THSD7A: variants seen among roughly 807,000 people sequenced by gnomAD.
THSD7A encodes the protein thrombospondin type-1 domain-containing protein 7A.
In THSD7A, 96 loss-of-function variants were observed where a neutral mutation model predicts 231.3. That is an observed-to-expected ratio of 0.41 (90% confidence interval 0.35 to 0.49). The LOEUF is 0.49. Ranked by LOEUF, THSD7A falls within the 20% of genes least tolerant of loss-of-function variation. The pLI, the probability that THSD7A is intolerant of heterozygous loss-of-function variation, is 0.05. For missense variants in THSD7A, 2,290 were observed against 2,070.2 expected, an observed-to-expected ratio of 1.11 and a Z score of -2.06; for synonymous variants, 940 against 743.3, an observed-to-expected ratio of 1.26 and a Z score of -4.30.
intron 1 of THSD7A, chr7:11,820,416 G>A: frequency 7.5e-7 from 1 of 1,327,296 alleles, no homozygotes; most frequent in Non-Finnish European, 1.0e-6. Context: ...ACTTGTCATG[G>A]GCCCACTTGG....
chr7:11,676,181 G>A (rs190335564), intron 1 of THSD7A, among the ~76,000 whole-genome samples: 1 of 152,302 alleles, frequency 6.6e-6, no homozygotes, highest in Admixed American at 6.5e-5. Context: ...GGGCCTGACT[G>A]TTAGAAAGAA....
intron 4 of THSD7A, among the ~76,000 whole-genome samples, chr7:11,588,095 G>A (rs149547417): frequency 9.2e-5 from 14 of 152,142 alleles, no homozygotes; most frequent in African/African-American, 3.4e-4. Context: ...AGCTGGGGGA[G>A]TTGTTTTGAG....
At chr7:11,682,175 A>C (rs1783894770) in intron 1 of THSD7A, among the ~76,000 whole-genome samples, 1 of 152,108 alleles carries the variant, frequency 6.6e-6, no homozygotes, top group Non-Finnish European at 1.5e-5. Context: ...TATCCCACAG[A>C]TCCTATAAAG....
chr7:11,735,767 T>C (rs956978519), intron 1 of THSD7A, among the ~76,000 whole-genome samples: 7 of 152,064 alleles, frequency 4.6e-5, no homozygotes, highest in Admixed American at 2.0e-4. Context: ...GCATTCATAA[T>C]TGGGTAGATA....
chr7:11,420,787 G>A (rs893753318), intron 16 of THSD7A, among the ~76,000 whole-genome samples: 1 of 152,202 alleles, frequency 6.6e-6, no homozygotes, highest in Non-Finnish European at 1.5e-5. Context: ...ACCCTGCAGA[G>A]CCACAGGGGT....
At chr7:11,800,470 A>C (rs1433971990) in intron 1 of THSD7A, among the ~76,000 whole-genome samples, 1 of 151,996 alleles carries the variant, frequency 6.6e-6, no homozygotes, top group Admixed American at 6.6e-5. Flanking sequence ...AATCGGTTGA[A>C]CTCGGGAGGC....
intron 1 of THSD7A, among the ~76,000 whole-genome samples, chr7:11,716,366 C>T (rs1278787816): frequency 6.6e-6 from 1 of 151,526 alleles, no homozygotes; most frequent in East Asian, 2.0e-4. Flanking sequence ...AATAGGTAAA[C>T]AGGAAATTAC....
intron 6 of THSD7A, among the ~76,000 whole-genome samples, chr7:11,541,116 G>A (rs2128322522): frequency 6.6e-6 from 1 of 152,158 alleles, no homozygotes; most frequent in African/African-American, 2.4e-5. Flanking sequence ...ACCTTTACTT[G>A]TTATTGTTAA....
At chr7:11,735,909 GA>G (rs1281878799) in intron 1 of THSD7A, among the ~76,000 whole-genome samples, 18 of 151,790 alleles carry the variant, frequency 1.2e-4, no homozygotes, top group African/African-American at 4.3e-4. Context: ...TATATGACCA[GA>G]AAAATGAAAT....
In THSD7A at chr7:11,446,857, T is replaced by C. The variant is rs149774266; in HGVS notation, c.2800+373A>G. Reference sequence around the variant, plus strand: ...AGAATTAATGCTATATTCCCCCTTCTAGGTGAGAAAGGATAATCTGAGGCT... The same window carrying C: ...AGAATTAATGCTATATTCCCCCTTCCAGGTGAGAAAGGATAATCTGAGGCT... On this transcript the variant is annotated intron_variant, in intron 12 of 27. Coordinates refer to ENST00000423059, the MANE Select transcript of THSD7A (RefSeq NM_015204.3). This position sits in a 1 kb window ranked among gnomAD's most constrained non-coding sequence, Gnocchi z 4.0. Among the ~76,000 whole-genome samples the C allele has an allele frequency of 6.7e-4, 102 of 152,252 alleles. No homozygotes were observed. Among genetic ancestry groups the C allele is most frequent in the African/African-American group, 2.2e-3 (93 of 41,574 alleles).
chr7:11,397,709 A>G (rs952638024), intron 23 of THSD7A, among the ~76,000 whole-genome samples: 4 of 152,242 alleles, frequency 2.6e-5, no homozygotes, highest in African/African-American at 9.6e-5. Context: ...CAAATTTACA[A>G]GAAAACAACA....
At chr7:11,380,064 C>T (rs1006483057) in intron 24 of THSD7A, among the ~76,000 whole-genome samples, 1 of 152,168 alleles carries the variant, frequency 6.6e-6, no homozygotes, top group Non-Finnish European at 1.5e-5. Flanking sequence ...GATTTCATTT[C>T]AAGTTAAAAT....
chr7:11,608,358 C>G (rs1394262107), intron 2 of THSD7A, among the ~76,000 whole-genome samples: 2 of 152,052 alleles, frequency 1.3e-5, no homozygotes, highest in Non-Finnish European at 2.9e-5. Flanking sequence ...GGAGAATTAC[C>G]AAGTACCAAT....
At chr7:11,581,166 T>C (rs1350492268) in intron 4 of THSD7A, among the ~76,000 whole-genome samples, 1 of 152,074 alleles carries the variant, frequency 6.6e-6, no homozygotes, top group Non-Finnish European at 1.5e-5. Context: ...TAATATAATG[T>C]CTTAATAAAT....
At chr7:11,452,850 A>C (rs1562620774) in intron 11 of THSD7A, among the ~76,000 whole-genome samples, 1 of 152,088 alleles carries the variant, frequency 6.6e-6, no homozygotes, top group Admixed American at 6.6e-5. Flanking sequence ...TTAAAATATA[A>C]ATAATTCTAG....
chr7:11,379,824 T>C (rs1782439673), intron 24 of THSD7A, 112 bp from the exon 25 acceptor site: 1 of 1,188,304 alleles, frequency 8.4e-7, no homozygotes, highest in Admixed American at 2.0e-5. Flanking sequence ...ATCCCAGGAA[T>C]TTTTCTGTCA....
intron 1 of THSD7A, among the ~76,000 whole-genome samples, chr7:11,772,890 T>C (rs1783280319): frequency 6.6e-6 from 1 of 152,180 alleles, no homozygotes; most frequent in Non-Finnish European, 1.5e-5. Flanking sequence ...AAGTTCATTT[T>C]GATAAATAAA....
intron 1 of THSD7A, among the ~76,000 whole-genome samples, chr7:11,686,256 A>G (rs1353036955): frequency 6.6e-6 from 1 of 151,840 alleles, no homozygotes; most frequent in African/African-American, 2.4e-5. Flanking sequence ...TATTTGGGTG[A>G]TAAGATCAAT....
intron 1 of THSD7A, among the ~76,000 whole-genome samples, chr7:11,796,841 T>A (rs532447625): frequency 6.6e-6 from 1 of 152,230 alleles, no homozygotes; most frequent in Non-Finnish European, 1.5e-5. Flanking sequence ...AGTCATTTAC[T>A]ATCCTATGTT....
Sources: gnomAD v4.1 joint callset for allele counts (sites outside exome capture counted in the v4.1 genomes callset) on GRCh38, gnomAD v4.1.1 for gene constraint, Gnocchi (gnomAD v3.1) non-coding constraint, MANE v1.5 for transcripts, NCBI Gene and HGNC (gene_info 2026-07-23, HGNC 2026-07-21) for gene names.